Variants in DMD observed in about 807,000 individuals in gnomAD.
DMD encodes dystrophin.
Under a neutral mutation model 330.1 loss-of-function variants are expected in DMD, and 63 were observed. The observed-to-expected ratio is 0.19, with a 90% confidence interval of 0.16 to 0.24. The LOEUF (loss-of-function observed/expected upper bound fraction) is 0.24. DMD is among the 10% of genes least tolerant of loss of function. DMD has a pLI of 1.00. For synonymous variants in DMD, 1,223 were observed against 959.8 expected, an observed-to-expected ratio of 1.27 and a Z score of -5.07; for missense variants, 3,344 against 2,684.1, an observed-to-expected ratio of 1.25 and a Z score of -5.43.
chrX:32,755,830 T>C (rs1427785939), intron 7 of DMD, among the ~76,000 whole-genome samples: 1 of 112,045 alleles, frequency 8.9e-6, no homozygotes, highest in Non-Finnish European at 1.9e-5. Context: ...ACAAGTTGGT[T>C]ACAGGAGGAA....
chrX:31,614,046 T>C (rs921533721), intron 55 of DMD, among the ~76,000 whole-genome samples: 1 of 112,442 alleles, frequency 8.9e-6, no homozygotes, highest in Non-Finnish European at 1.9e-5. Flanking sequence ...CAATTTACCA[T>C]ACCAGGTGAA....
chrX:32,800,579 T>G (rs889891478), intron 7 of DMD, among the ~76,000 whole-genome samples: 2 of 111,456 alleles, frequency 1.8e-5, no homozygotes, highest in African/African-American at 6.5e-5. Flanking sequence ...TTATTATACT[T>G]TAAGTTTTGG....
intron 37 of DMD, among the ~76,000 whole-genome samples, chrX:32,359,552 G>C (rs1010886703): frequency 9.0e-6 from 1 of 111,013 alleles, no homozygotes; most frequent in African/African-American, 3.3e-5. Context: ...CTACTATAAA[G>C]AAACCTGATT....
At chrX:32,258,588 T>TC (rs1207364952) in intron 43 of DMD, among the ~76,000 whole-genome samples, 2 of 109,761 alleles carry the variant, frequency 1.8e-5, no homozygotes, top group Non-Finnish European at 3.8e-5. Flanking sequence ...CCACATATTC[T>TC]CACCCATAAG....
At chrX:32,965,677 G>T (rs1282137429) in intron 2 of DMD, among the ~76,000 whole-genome samples, 8 of 111,062 alleles carry the variant, frequency 7.2e-5, no homozygotes, top group South Asian at 3.8e-4. Context: ...TGTATGGTAT[G>T]CATTATGTTA....
intron 60 of DMD, among the ~76,000 whole-genome samples, chrX:31,438,498 T>C (rs1338621299): frequency 8.9e-6 from 1 of 111,902 alleles, no homozygotes; most frequent in Admixed American, 9.5e-5. Flanking sequence ...TTGTTAAAAT[T>C]TGAGAACCAC....
chrX:31,219,244 A>C (rs752721142), intron 64 of DMD, among the ~76,000 whole-genome samples: 1 of 110,683 alleles, frequency 9.0e-6, no homozygotes, highest in East Asian at 2.9e-4. Flanking sequence ...CTTTTGCCCA[A>C]ATCCTCACTT....
intron 7 of DMD, among the ~76,000 whole-genome samples, chrX:32,729,966 G>C (rs1048587843): frequency 9.0e-6 from 1 of 111,496 alleles, no homozygotes; most frequent in East Asian, 2.8e-4. Flanking sequence ...CTTAAGAGTT[G>C]GTTAAATATT....
Position 32,449,363 on chromosome X carries a change from T to C in DMD, c.3604-725A>G, listed in dbSNP as rs1425147482. Among the ~76,000 whole-genome samples, 3 of 110,007 alleles carry C rather than the reference T, an allele frequency of 2.7e-5. 1 individual carries two copies. Among genetic ancestry groups the C allele is most frequent in the Non-Finnish European group, 5.7e-5 (3 of 52,322 alleles). On this transcript the variant is annotated intron_variant, in intron 26 of 78. Transcript: ENST00000357033. ...CTGAATCCAGACAAAAACATCAACA[T>C]TACCCAAACCACAAAACGCCCAACA... is the stretch of plus-strand genomic sequence containing the variant.
intron 76 of DMD, among the ~76,000 whole-genome samples, chrX:31,134,421 CTTTTTT>C (rs35286502): frequency 1.3e-5 from 1 of 79,659 alleles, no homozygotes. Context: ...AACTGTATAT[CTTTTTT>C]TTTTTTTTTT....
intron 41 of DMD, among the ~76,000 whole-genome samples, chrX:32,324,037 C>T (rs907834816): frequency 1.8e-5 from 2 of 109,675 alleles, no homozygotes; most frequent in African/African-American, 3.3e-5. Context: ...TTACTGGGTA[C>T]GGACATACAG....
chrX:31,943,362 C>A (rs1053526277), intron 45 of DMD, among the ~76,000 whole-genome samples: 1 of 112,183 alleles, frequency 8.9e-6, no homozygotes, highest in Admixed American at 9.4e-5. Context: ...TACTCCTCAC[C>A]CCTTGAAACA....
intron 44 of DMD, among the ~76,000 whole-genome samples, chrX:32,022,553 A>G (rs1299127727): frequency 8.9e-6 from 1 of 112,566 alleles, no homozygotes; most frequent in Non-Finnish European, 1.9e-5. Flanking sequence ...TTTTAAGAGA[A>G]AAAGGGAATT....
At chrX:31,125,730 C>T (rs1463512952) in intron 78 of DMD, among the ~76,000 whole-genome samples, 1 of 112,104 alleles carries the variant, frequency 8.9e-6, no homozygotes, top group Admixed American at 9.4e-5. Flanking sequence ...GCATCTTTCA[C>T]CGTAAAACCT....
intron 44 of DMD, among the ~76,000 whole-genome samples, chrX:32,044,173 C>G (rs5927927): frequency 0.35 from 38,892 of 110,081 alleles, 6,098 homozygotes; most frequent in African/African-American, 0.61. Flanking sequence ...CATGGGTATA[C>G]TTCAATGATT....
At chrX:32,332,829 C>T in intron 41 of DMD, among the ~76,000 whole-genome samples, 1 of 108,835 alleles carries the variant, frequency 9.2e-6, no homozygotes. Context: ...CTAAAGAAAG[C>T]ATGCGTAGAT....
chrX:32,873,653 C>G (rs1603451524), intron 2 of DMD, among the ~76,000 whole-genome samples: 1 of 111,664 alleles, frequency 9.0e-6, no homozygotes, highest in South Asian at 3.7e-4. Flanking sequence ...TGTCTAGAAT[C>G]TAAATAAGGC....
intron 9 of DMD, among the ~76,000 whole-genome samples, chrX:32,648,943 C>A (rs886244295): frequency 9.0e-6 from 1 of 110,981 alleles, no homozygotes; most frequent in Non-Finnish European, 1.9e-5. Context: ...AAGATAGACC[C>A]CAATCGTTTC....
intron 1 of DMD, among the ~76,000 whole-genome samples, chrX:33,226,805 A>T (rs1057265678): frequency 1.2e-4 from 13 of 108,589 alleles, no homozygotes; most frequent in East Asian, 5.7e-4. Flanking sequence ...TTTTTTTTTT[A>T]AAAGACAGTG....
Sources: allele counts gnomAD v4.1 joint callset (sites outside exome capture counted in the v4.1 genomes callset), GRCh38; gene constraint gnomAD v4.1.1; transcripts MANE v1.5; gene names NCBI Gene and HGNC (gene_info 2026-07-23, HGNC 2026-07-21).